IFI35: variants seen among roughly 807,000 people sequenced by gnomAD.
IFI35 encodes the protein interferon-induced 35 kDa protein.
Under a neutral mutation model 28.6 loss-of-function variants are expected in IFI35, and 30 were observed. The ratio of observed to expected loss-of-function variants is 1.05; its 90% CI spans 0.79 to 1.43. The LOEUF is 1.43. Among genes scored for constraint, IFI35 ranks in the 40% most tolerant of loss-of-function variants. The probability of loss-of-function intolerance (pLI) is 0.00; values close to 1 mark genes in which losing one functional copy is unlikely to be tolerated. For synonymous variants in IFI35, 146 were observed against 154.8 expected (o/e 0.94, Z 0.42); for missense variants, 372 against 356.9 (o/e 1.04, Z -0.34).
chr17:43,012,303 T>C (rs1446528601), intron 2 of IFI35, 26 bp downstream of exon 2: 1 of 1,538,056 alleles, frequency 6.5e-7, no homozygotes, highest in Admixed American at 2.0e-5. Flanking sequence ...TGGTGTTGTT[T>C]GGTAAAAACG....
At chr17:43,011,278 G>A (rs1182003099) in intron 1 of IFI35, among the ~76,000 whole-genome samples, 1 of 152,174 alleles carries the variant, frequency 6.6e-6, no homozygotes, top group African/African-American at 2.4e-5. Context: ...TAGCACTTTA[G>A]GAGGCCGAGG....
intron 1 of IFI35, among the ~76,000 whole-genome samples, chr17:43,010,422 A>T (rs1485414540): frequency 2.6e-5 from 4 of 151,994 alleles, no homozygotes; most frequent in African/African-American, 9.7e-5. Context: ...ACATGGGTAG[A>T]TTTGCTGTGG....
intron 1 of IFI35, among the ~76,000 whole-genome samples, chr17:43,008,172 G>A (rs1434921824): frequency 2.0e-5 from 3 of 147,494 alleles, no homozygotes; most frequent in East Asian, 2.0e-4. Flanking sequence ...GTAACTGGGA[G>A]TACAGGCACG....
chr17:43,007,518 A>T (rs1254451758), intron 1 of IFI35, among the ~76,000 whole-genome samples: 3 of 149,882 alleles, frequency 2.0e-5, no homozygotes, highest in East Asian at 3.9e-4. Flanking sequence ...AAAAAAAAAA[A>T]AAAATTAAAC....
chr17:43,012,357 C>T, intron 2 of IFI35, 80 bp downstream of exon 2: 1 of 1,024,416 alleles, frequency 9.8e-7, no homozygotes, highest in Non-Finnish European at 1.5e-6. Context: ...GTAAACCCAG[C>T]ACTTTGGTAG....
chr17:43,012,433 C>T, intron 2 of IFI35, 156 bp downstream of exon 2: 2 of 505,246 alleles, frequency 4.0e-6, no homozygotes, highest in Non-Finnish European at 7.1e-6. Context: ...AGTGAAATCC[C>T]ATCTCTACTA....
chr17:43,011,371 G>A (rs1257246554), intron 1 of IFI35, among the ~76,000 whole-genome samples: 1 of 151,822 alleles, frequency 6.6e-6, no homozygotes, highest in Non-Finnish European at 1.5e-5. Flanking sequence ...ATACAAAAAT[G>A]AGCCAGGTGT....
rs1311212470 is a variant in IFI35, at chr17:43,014,215, C to A, written c.777C>A (p.Thr259=). 6.2e-7 allele frequency: 1 copy of A among 1,613,324 alleles called. No individual in the cohort carries two copies. The highest frequency in any genetic ancestry group is 1.3e-5 in the African/African-American group (1 of 75,026). Residue 259 remains threonine (T), a synonymous_variant, in exon 7 of 7, where the codon ACC becomes ACA. Coordinates refer to ENST00000415816, the MANE Select transcript of IFI35 (RefSeq NM_001330230.2). ...TGGAGATCCACTTCCAGAAGCCCACCCGCGGGGGCGGGGAGGTAGAGGCCC... is the reference window on the plus strand; with the variant it reads ...TGGAGATCCACTTCCAGAAGCCCACACGCGGGGGCGGGGAGGTAGAGGCCC... The part of the protein sequence containing the change: ...DVLEIHFQKP[T]RGGGEVEALT...
intron 1 of IFI35, among the ~76,000 whole-genome samples, chr17:43,007,808 A>C (rs1357968723): frequency 6.9e-6 from 1 of 144,878 alleles, no homozygotes; most frequent in Non-Finnish European, 1.5e-5. Context: ...TCTGGGCAAC[A>C]GAGGGAGACT....
rs773361316 is a variant in IFI35, at chr17:43,014,338, G to T, written c.*39G>T. 2.4e-5 allele frequency: 35 copies of T among 1,452,464 alleles called. No individual in the cohort carries two copies. In the South Asian group the frequency reaches 4.1e-4, roughly 17 times the overall value. 90.0% of individuals were successfully genotyped at this position (1,452,464 alleles called of 1,614,324 possible). ...TCATCCTCCCCACCCCCCCGCCAAG[G>T]TTCTCACACTGGCCTGGGCTTGGGT... On this transcript the variant is annotated 3_prime_UTR_variant, in exon 7 of 7. Transcript: ENST00000415816.
Position 43,014,431 on chromosome 17 carries a change from G to A in IFI35, c.*132G>A. 1.9e-6 allele frequency: 1 copy of A among 524,702 alleles called. No homozygotes were observed. Among genetic ancestry groups the A allele is most frequent in the South Asian group, 3.4e-5 (1 of 29,584 alleles). 32.5% of individuals were successfully genotyped at this position (524,702 alleles called of 1,614,324 possible). A position where few individuals can be genotyped will look rare whatever the true frequency, so the allele number is the denominator to read the frequency against. On this transcript the variant is annotated 3_prime_UTR_variant, in exon 7 of 7. Coordinates refer to ENST00000415816, the MANE Select transcript of IFI35 (RefSeq NM_001330230.2). ...GTCACACATTGCAAAACACTGCCCAGAACAGTAAAAAGAGCCTGCATGCCA... is the reference window on the plus strand; with the variant it reads ...GTCACACATTGCAAAACACTGCCCAAAACAGTAAAAAGAGCCTGCATGCCA...
Position 43,014,210 on chromosome 17 carries a change from C to A in IFI35, c.772C>A (p.Pro258Thr). Reference protein sequence around the residue: ...HDVLEIHFQKPTRGGGEVEAL... With the variant: ...HDVLEIHFQKTTRGGGEVEAL... ...CGTCCTGGAGATCCACTTCCAGAAG[C>A]CCACCCGCGGGGGCGGGGAGGTAGA... The change falls in exon 7 of 7, where the codon CCC (proline) becomes ACC (threonine). Residue 258 changes from proline (P) to threonine (T), a missense_variant. Pro to Thr is a conservative substitution (Grantham distance 38, BLOSUM62 -1). Transcript: ENST00000415816. 1.2e-6 allele frequency: 2 copies of A among 1,613,566 alleles called. No homozygotes were observed. Among genetic ancestry groups the A allele is most frequent in the East Asian group, 2.2e-5 (1 of 44,860 alleles).
In IFI35 at chr17:43,014,218, CG is replaced by C. The variant is rs751199867; in HGVS notation, c.785del (p.Gly262AlafsTer4). On this transcript the variant is annotated frameshift_variant, in exon 7 of 7. Coordinates refer to ENST00000415816, the MANE Select transcript of IFI35 (RefSeq NM_001330230.2). LOFTEE classifies it high-confidence loss of function. ...AGATCCACTTCCAGAAGCCCACCCG[CG>C]GGGGCGGGGAGGTAGAGGCCCTGAC... Reference protein sequence around the residue: ...LEIHFQKPTRGGGEVEALTVV... With the variant: ...LEIHFQKPTRXGGEVEALTVV... The C allele has an allele frequency of 6.2e-7, 1 of 1,612,782 alleles. No homozygotes were observed. The highest frequency in any genetic ancestry group is 1.7e-5 in the Admixed American group (1 of 59,920).
In IFI35 at chr17:43,012,284, T is replaced by G; in HGVS notation, c.120+7T>G. 3.9e-6 allele frequency: 6 copies of G among 1,556,156 alleles called. No individual in the cohort carries two copies. In the Admixed American group the frequency reaches 9.6e-5, roughly 25 times the overall value. On this transcript the variant is annotated splice_region_variant and intron_variant, in intron 2 of 6. Coordinates refer to ENST00000415816, the MANE Select transcript of IFI35 (RefSeq NM_001330230.2). ...GGACTCCCCCAAAGACAAGGTAAGGTGGGAGATCTGGTGTTGTTTGGTAAA... is the reference window on the plus strand; with the variant it reads ...GGACTCCCCCAAAGACAAGGTAAGGGGGGAGATCTGGTGTTGTTTGGTAAA...
intron 1 of IFI35, chr17:43,011,963 G>T (rs371313436): frequency 1.3e-5 from 5 of 382,294 alleles, no homozygotes; most frequent in Non-Finnish European, 1.9e-5. Context: ...CGCTGCAAAG[G>T]CTCCTGCCCT....
chr17:43,014,069 C>A, intron 6 of IFI35, 39 bp from the exon 7 acceptor site: 1 of 1,598,010 alleles, frequency 6.3e-7, no homozygotes, highest in Non-Finnish European at 8.6e-7. Context: ...CCCAGCCCTT[C>A]TCCCATGAGC....
chr17:43,013,365 A>C lies in IFI35; in HGVS notation c.367A>C (p.Thr123Pro), dbSNP rs768083989. Residue 123 changes from threonine to proline, a missense_variant, in exon 4 of 7, where the codon ACC (threonine) becomes CCC (proline). Physicochemically the swap from Thr to Pro is conservative, Grantham distance 38 (BLOSUM62 -1). Transcript: ENST00000415816. ...GCCCTTGGAGCTGCCCATGGTCACC[A>C]CCATCCAGGTGATGGTATGACAGAA... ...VQPLELPMVTTIQMSSQLSGR... is the reference protein window; with the variant it reads ...VQPLELPMVTPIQMSSQLSGR... 3 of 1,614,032 alleles carry C rather than the reference A, an allele frequency of 1.9e-6. No homozygotes were observed. In the South Asian group the frequency reaches 3.3e-5, roughly 18 times the overall value.
Position 43,013,592 on chromosome 17 carries a change from C to T in IFI35, c.492C>T (p.Asn164=), listed in dbSNP as rs148896168. 1.6e-4 allele frequency: 252 copies of T among 1,613,974 alleles called. No homozygotes were observed. The highest frequency in any genetic ancestry group is 5.2e-4 in the African/African-American group (39 of 74,898). The change falls in exon 5 of 7, where the codon AAC becomes AAT. Residue 164 remains asparagine (N), a synonymous_variant. Transcript: ENST00000415816. ...KLEIFFGKTR[N]GGGDVDVREL... is the part of the protein sequence containing the mutation. ...AGATCTTCTTTGGCAAGACTAGGAACGGAGGTGGCGATGTGGACGTTCGGG... is the reference window on the plus strand; with the variant it reads ...AGATCTTCTTTGGCAAGACTAGGAATGGAGGTGGCGATGTGGACGTTCGGG...
At position 43,014,247 on chromosome 17, in the gene IFI35, T is replaced by C. The variant is rs767684956; in HGVS notation, c.809T>C (p.Val270Ala). 9 of 1,608,244 alleles carry C rather than the reference T, an allele frequency of 5.6e-6. No homozygotes were observed. In the African/African-American group the frequency reaches 1.1e-4, roughly 19 times the overall value. Residue 270 changes from valine to alanine, a missense_variant, in exon 7 of 7, where the codon GTC becomes GCC. Physicochemically the swap from Val to Ala is moderately conservative, Grantham distance 64 (BLOSUM62 0). Transcript: ENST00000415816. ...RGGGEVEALT[V>A]VPQGQQGLAV... ...GGCGGGGAGGTAGAGGCCCTGACAG[T>C]CGTACCCCAAGGACAGCAGGGCCTA...
Sources: allele counts gnomAD v4.1 joint callset (sites outside exome capture counted in the v4.1 genomes callset), GRCh38; gene constraint gnomAD v4.1.1; transcripts MANE v1.5; gene names NCBI Gene and HGNC (gene_info 2026-07-23, HGNC 2026-07-21).